Variants in INTS7 observed in about 807,000 individuals in gnomAD.
INTS7 encodes the protein chromosome 1 open reading frame 73.
Under a neutral mutation model 109.2 loss-of-function variants are expected in INTS7, and 46 were observed. The ratio of observed to expected loss-of-function variants is 0.42; its 90% confidence interval spans 0.33 to 0.54. The LOEUF (loss-of-function observed/expected upper bound fraction) is 0.54, where lower values mean the gene tolerates loss of function less well. Ranked by LOEUF, INTS7 falls within the 20% of genes least tolerant of loss-of-function variation. The probability of loss-of-function intolerance (pLI) is 0.07; values close to 1 mark genes in which losing one functional copy is unlikely to be tolerated. For synonymous variants in INTS7, 412 were observed against 402.9 expected (o/e 1.02, Z -0.27); for missense variants, 929 against 1,132.4 (o/e 0.82, Z 2.58).
intron 16 of INTS7, among the ~76,000 whole-genome samples, chr1:211,955,560 T>C (rs1663325142): frequency 1.3e-5 from 2 of 152,218 alleles, no homozygotes; most frequent in South Asian, 2.1e-4. Flanking sequence ...TATTTTGAGA[T>C]ACATCCCATC....
chr1:211,996,949 G>A (rs534173152), intron 7 of INTS7, among the ~76,000 whole-genome samples: 8 of 151,992 alleles, frequency 5.3e-5, no homozygotes, highest in African/African-American at 1.9e-4. Flanking sequence ...GCTTAAGCCT[G>A]GGGGGTCAAG....
intron 10 of INTS7, among the ~76,000 whole-genome samples, chr1:211,980,158 C>T (rs1184597016): frequency 3.3e-5 from 5 of 152,098 alleles, no homozygotes; most frequent in Middle Eastern, 3.2e-3. Flanking sequence ...GAATGTGTTG[C>T]CAAACACATG....
chr1:212,013,378 A>T (rs1311659834), intron 4 of INTS7, among the ~76,000 whole-genome samples: 1 of 152,220 alleles, frequency 6.6e-6, no homozygotes, highest in Non-Finnish European at 1.5e-5. Flanking sequence ...AAGTATGTTT[A>T]TACAGCTGTA....
At position 212,020,143 on chromosome 1, in the gene INTS7, A is replaced by AT; in HGVS notation, c.349_350insA (p.Val117AspfsTer19). The AT allele has an allele frequency of 6.2e-7, 1 of 1,605,474 alleles. No individual in the cohort carries two copies. The highest frequency in any genetic ancestry group is 1.3e-5 in the African/African-American group (1 of 74,728). On this transcript the variant is annotated frameshift_variant, in exon 3 of 20. Coordinates refer to ENST00000366994, the MANE Select transcript of INTS7 (RefSeq NM_015434.4). LOFTEE classifies it high-confidence loss of function. ...ATACCGGAGGGTGATGGCTCTTGCC[A>AT]CAGGATCATTACTATGAATCACAGA...
chr1:211,956,522 C>A (rs1663369171), intron 16 of INTS7, among the ~76,000 whole-genome samples: 1 of 152,152 alleles, frequency 6.6e-6, no homozygotes, highest in East Asian at 1.9e-4. Flanking sequence ...AAGCAAATTT[C>A]TTTGCACAAA....
rs1050907978 is a variant in INTS7, at chr1:211,978,580, T to C, written c.1231-69A>G. The C allele has an allele frequency of 1.9e-6, 3 of 1,559,542 alleles. No individual in the cohort carries two copies. The African/African-American group carries it at 4.1e-5, about 21-fold the overall frequency. On this transcript the variant is annotated intron_variant, in intron 10 of 19. Coordinates refer to ENST00000366994, the MANE Select transcript of INTS7 (RefSeq NM_015434.4). The stretch of plus-strand genomic sequence containing the variant: ...CAGATGAAGCTTTAAGGAAAAGAGC[T>C]TTGTACAGGTTACTGGGGAAACTCA...
chr1:211,968,897 T>C (rs574132842), intron 13 of INTS7, among the ~76,000 whole-genome samples, 190 bp from the exon 14 acceptor site: 1 of 152,276 alleles, frequency 6.6e-6, no homozygotes, highest in East Asian at 1.9e-4. Flanking sequence ...ACACCAGCTC[T>C]GAAAAACTGT....
intron 15 of INTS7, among the ~76,000 whole-genome samples, chr1:211,967,323 A>C (rs1265163120): frequency 6.6e-6 from 1 of 151,800 alleles, no homozygotes; most frequent in Non-Finnish European, 1.5e-5. Flanking sequence ...GTGGTGGCAC[A>C]CACCTGTAAT....
At chr1:211,945,067 C>T (rs1403736234) in intron 18 of INTS7, 98 bp from the exon 19 acceptor site, 8 of 1,112,220 alleles carry the variant, frequency 7.2e-6, no homozygotes, top group East Asian at 2.4e-5. Flanking sequence ...TTAACAAATT[C>T]GATTGTGCAC....
At chr1:212,005,735 C>T (rs1194061036) in intron 7 of INTS7, among the ~76,000 whole-genome samples, 1 of 152,076 alleles carries the variant, frequency 6.6e-6, no homozygotes, top group East Asian at 1.9e-4. Context: ...GACAGAAGCT[C>T]TCTTAATTAA....
chr1:212,011,377 T>G lies in INTS7; in HGVS notation c.554A>C (p.Gln185Pro). Residue 185 changes from glutamine (Q) to proline (P), a missense_variant and splice_region_variant, in exon 5 of 20, where the codon CAA becomes CCA. Physicochemically the swap from Gln to Pro is moderately conservative, Grantham distance 76. Transcript: ENST00000366994. ...AATACTAAATGAAGAATACATACCT[T>G]GAATCATTTCACTGATTTTGTTACA... ...GICNKISEMI[Q>P]GLATPVDLKL... 6.5e-7 allele frequency: 1 copy of G among 1,542,424 alleles called. No homozygotes were observed. The highest frequency in any genetic ancestry group is 8.9e-7 in the Non-Finnish European group (1 of 1,120,004).
chr1:211,941,783 T>C lies in INTS7; in HGVS notation c.*41A>G. ...AAAAACCAAACTGTTTCTGGCAATT[T>C]GATTGATCTCTTGAGAGTCTGCAGT... On this transcript the variant is annotated 3_prime_UTR_variant, in exon 20 of 20. Coordinates refer to ENST00000366994, the MANE Select transcript of INTS7 (RefSeq NM_015434.4). 6.3e-7 allele frequency: 1 copy of C among 1,585,028 alleles called. No homozygotes were observed. Among genetic ancestry groups the C allele is most frequent in the Non-Finnish European group, 8.6e-7 (1 of 1,165,522 alleles).
At chr1:211,961,444 T>TC (rs1663627911) in intron 16 of INTS7, among the ~76,000 whole-genome samples, 1 of 151,708 alleles carries the variant, frequency 6.6e-6, no homozygotes, top group Non-Finnish European at 1.5e-5. Context: ...TTTTTTTTTT[T>TC]CCTGAGATGG....
chr1:211,945,447 C>T (rs1662807533), intron 18 of INTS7, among the ~76,000 whole-genome samples: 2 of 152,210 alleles, frequency 1.3e-5, no homozygotes. Context: ...AATCAAATGA[C>T]ATTTTTCACC....
At chr1:211,967,247 T>C (rs1299489848) in intron 15 of INTS7, among the ~76,000 whole-genome samples, 2 of 151,836 alleles carry the variant, frequency 1.3e-5, no homozygotes, top group Non-Finnish European at 2.9e-5. Flanking sequence ...GGCCAGGAGT[T>C]TGAGACCAGC....
intron 10 of INTS7, 35 bp from the exon 11 acceptor site, chr1:211,978,546 T>C: frequency 6.2e-7 from 1 of 1,612,192 alleles, no homozygotes; most frequent in Non-Finnish European, 8.5e-7. Flanking sequence ...TAGTTACATT[T>C]TGAAGATACA....
chr1:212,034,513 C>A (rs1308589819), intron 1 of INTS7, among the ~76,000 whole-genome samples: 2 of 152,092 alleles, frequency 1.3e-5, no homozygotes, highest in Non-Finnish European at 2.9e-5. Flanking sequence ...GTTTCCCGTA[C>A]AATAAAAATC....
At position 211,959,797 on chromosome 1, in the gene INTS7, C is replaced by T. The variant is rs780323524; in HGVS notation, c.2183+6633G>A. Among the ~76,000 whole-genome samples the T allele has an allele frequency of 7.9e-5, 12 of 152,208 alleles. No homozygotes were observed. Among genetic ancestry groups the T allele is most frequent in the African/African-American group, 2.9e-4 (12 of 41,450 alleles). ...CACAGTTCTGTGTCTGCCAGCGCCA[C>T]GCCCCTATGCTTATACTACCACTAG... On this transcript the variant is annotated intron_variant, in intron 16 of 19. Transcript: ENST00000366994. The surrounding 1 kb of genome is among the most constrained non-coding windows in gnomAD (Gnocchi z 4.2).
intron 1 of INTS7, among the ~76,000 whole-genome samples, chr1:212,029,557 T>G (rs963751919): frequency 2.0e-5 from 3 of 152,174 alleles, no homozygotes; most frequent in Non-Finnish European, 4.4e-5. Flanking sequence ...GGAAATAAGT[T>G]TTTGCTTCTA....
Sources: allele counts gnomAD v4.1 joint callset (sites outside exome capture counted in the v4.1 genomes callset), GRCh38; gene constraint gnomAD v4.1.1; non-coding constraint Gnocchi (gnomAD v3.1); transcripts MANE v1.5; gene names NCBI Gene and HGNC (gene_info 2026-07-23, HGNC 2026-07-21).